GAS6: variants seen among roughly 807,000 people sequenced by gnomAD.
The protein encoded by GAS6 is growth arrest specific 6, also known as growth arrest-specific protein 6.
A neutral mutation model predicts 75.8 loss-of-function variants in GAS6; 41 were observed. The ratio of observed to expected loss-of-function variants is 0.54; its 90% CI spans 0.42 to 0.70. The LOEUF (loss-of-function observed/expected upper bound fraction) is 0.70. Among genes scored for constraint, GAS6 ranks in the 30% least tolerant of loss-of-function variants. The pLI is 0.00. For missense variants in GAS6, 854 were observed against 940.2 expected, an observed-to-expected ratio of 0.91 and a Z score of 1.20; for synonymous variants, 432 against 412.6, an observed-to-expected ratio of 1.05 and a Z score of -0.57.
At chr13:113,847,802 C>G (rs964405953) in intron 3 of GAS6, 2 of 580,540 alleles carry the variant, frequency 3.4e-6, no homozygotes, top group Admixed American at 3.2e-5. Context: ...TTGCAGATAA[C>G]AGCATTCACC....
rs745689860 is a variant in GAS6 at position 113,839,742 on chromosome 13, C to T, written c.452G>A (p.Arg151Gln). 13 of 1,613,758 alleles carry T rather than the reference C, an allele frequency of 8.1e-6. No individual in the cohort carries two copies. The highest frequency in any genetic ancestry group is 2.7e-5 in the African/African-American group (2 of 74,928). Residue 151 changes from arginine to glutamine, a missense_variant, in exon 5 of 15, where the codon CGG becomes CAG. By Grantham distance (43) the Arg-to-Gln change is conservative. Coordinates refer to ENST00000327773, the MANE Select transcript of GAS6 (RefSeq NM_000820.4). ...GCCTCACGTACCTTTGTCGCAGAGC[C>T]GGCCCCCCCAGCCAGCTTTACACAG... Reference protein sequence around the residue: ...FCLCKAGWGGRLCDKDVNECS... With the variant: ...FCLCKAGWGGQLCDKDVNECS...
At chr13:113,833,106 C>T in intron 8 of GAS6, 3 of 1,179,304 alleles carry the variant, frequency 2.5e-6, no homozygotes, top group Non-Finnish European at 3.2e-6. Context: ...ATATGGATGC[C>T]TTGAAGATGG....
chr13:113,859,612 CTG>C (rs1237242148), intron 2 of GAS6, among the ~76,000 whole-genome samples: 5 of 122,300 alleles, frequency 4.1e-5, no homozygotes, highest in South Asian at 4.9e-4. Flanking sequence ...ATGTGTGTGC[CTG>C]TGTGTGTGCA....
intron 3 of GAS6, chr13:113,846,988 GA>G: frequency 2.0e-6 from 1 of 503,866 alleles, no homozygotes; most frequent in Admixed American, 2.1e-5. Flanking sequence ...CTGCTTTGGA[GA>G]AAGCCCCTCC....
intron 6 of GAS6, among the ~76,000 whole-genome samples, chr13:113,836,960 C>G (rs965807997): frequency 6.7e-6 from 1 of 148,232 alleles, no homozygotes; most frequent in South Asian, 2.2e-4. Flanking sequence ...GACGGGAATG[C>G]CTCTGTCACT....
At chr13:113,832,983 G>C in intron 8 of GAS6, 1 of 1,427,988 alleles carries the variant, frequency 7.0e-7, no homozygotes, top group Non-Finnish European at 9.2e-7. Flanking sequence ...GGGGGTCCCC[G>C]TCATCTCCTT....
At chr13:113,835,233 G>A (rs565475073) in intron 7 of GAS6, among the ~76,000 whole-genome samples, 481 of 152,356 alleles carry the variant, frequency 3.2e-3, no homozygotes, top group Non-Finnish European at 5.5e-3. Context: ...GAGAGGCCCC[G>A]TCTATGCAGG....
Position 113,848,065 on chromosome 13 carries a change from A to G in GAS6, c.256-15T>C, listed in dbSNP as rs762098183. ...TAAAAATAATCCTGTGGAAAAAGAAAAAGAAAAGGCAAGCATTGACCGGCA... is the reference window on the plus strand; with the variant it reads ...TAAAAATAATCCTGTGGAAAAAGAAGAAGAAAAGGCAAGCATTGACCGGCA... On this transcript the variant is annotated splice_polypyrimidine_tract_variant and intron_variant, in intron 2 of 14. Transcript: ENST00000327773. This position sits in a 1 kb window ranked among gnomAD's most constrained non-coding sequence, Gnocchi z 4.8. The G allele has an allele frequency of 6.2e-7, 1 of 1,612,876 alleles. No individual in the cohort carries two copies. The highest frequency in any genetic ancestry group is 2.2e-5 in the East Asian group (1 of 44,858).
At chr13:113,841,461 C>CATAT (rs2051775006) in intron 4 of GAS6, 1 of 149,602 alleles carries the variant, frequency 6.7e-6, no homozygotes, top group Non-Finnish European at 1.5e-5. Flanking sequence ...GCGTTTCCTC[C>CATAT]GTATGCCCCA....
At chr13:113,834,721 T>C in intron 7 of GAS6, 49 bp from the exon 8 acceptor site, 1 of 1,402,192 alleles carries the variant, frequency 7.1e-7, no homozygotes, top group Non-Finnish European at 9.3e-7. Context: ...CTCTACGCTG[T>C]CCCGCCGTGG....
chr13:113,826,449 A>G (rs12858258), intron 12 of GAS6, among the ~76,000 whole-genome samples: 21,974 of 60,452 alleles, frequency 0.36, 2,074 homozygotes, highest in South Asian at 0.47. Context: ...TTCTCTCCCC[A>G]GCCTCCCGGC....
chr13:113,852,724 G>A (rs897383037), intron 2 of GAS6, among the ~76,000 whole-genome samples: 1 of 152,176 alleles, frequency 6.6e-6, no homozygotes, highest in African/African-American at 2.4e-5. Flanking sequence ...CCACCCACAG[G>A]GCAAAGGTCA....
At chr13:113,858,775 A>ATG (rs552326965) in intron 2 of GAS6, among the ~76,000 whole-genome samples, 3 of 145,712 alleles carry the variant, frequency 2.1e-5, no homozygotes, top group South Asian at 4.4e-4. Flanking sequence ...GTCATTATGC[A>ATG]TGTGTGTACA....
In GAS6 at chr13:113,827,154, C is replaced by T. The variant is rs752390240; in HGVS notation, c.1319G>A (p.Arg440His). Reference sequence around the variant, plus strand: ...CCAGCTCCTCATGCAGCCATCCAGACGAGGGTTTATCTGGAAAGGCAGAGA... The same window carrying T: ...CCAGCTCCTCATGCAGCCATCCAGATGAGGGTTTATCTGGAAAGGCAGAGA... ...EKDLVQPINP[R>H]LDGCMRSWNW... Residue 440 changes from arginine (R) to histidine (H), a missense_variant, in exon 12 of 15, where the codon CGT (arginine) becomes CAT (histidine). By Grantham distance (29) the Arg-to-His change is conservative. Coordinates refer to ENST00000327773, the MANE Select transcript of GAS6 (RefSeq NM_000820.4). 7.4e-6 allele frequency: 12 copies of T among 1,612,214 alleles called. No individual in the cohort carries two copies. The highest frequency in any genetic ancestry group is 6.7e-5 in the African/African-American group (5 of 74,772).
intron 14 of GAS6, chr13:113,821,685 G>A (rs981284228): frequency 1.9e-5 from 9 of 473,838 alleles, no homozygotes; most frequent in East Asian, 6.7e-5. Flanking sequence ...GGGTGTGGAC[G>A]AATGCTCCCT....
Position 113,848,199 on chromosome 13 carries a change from G to C in GAS6, c.256-149C>G. On this transcript the variant is annotated intron_variant, in intron 2 of 14. Transcript: ENST00000327773. The surrounding 1 kb of genome is among the most constrained non-coding windows in gnomAD (Gnocchi z 4.8). ...GGGGAACTGAGGGGAAGTGACCGGG[G>C]CACGACTGCTGTGAGACCAACAAGC... 1.3e-6 allele frequency: 1 copy of C among 765,786 alleles called. No homozygotes were observed. The highest frequency in any genetic ancestry group is 2.6e-5 in the Admixed American group (1 of 39,100). 47.4% of individuals were successfully genotyped at this position (765,786 alleles called of 1,614,324 possible).
intron 2 of GAS6, among the ~76,000 whole-genome samples, chr13:113,860,287 C>A (rs930242333): frequency 6.6e-6 from 1 of 152,148 alleles, no homozygotes; most frequent in Admixed American, 6.5e-5. Context: ...CACCAGCCCT[C>A]GGTGAATATT....
chr13:113,826,661 C>T (rs1289778314), intron 12 of GAS6, among the ~76,000 whole-genome samples: 9 of 103,910 alleles, frequency 8.7e-5, no homozygotes, highest in Admixed American at 1.9e-4. Context: ...TGGCGCCGGC[C>T]TCGCAGGCAC....
rs1425695272 is a variant in GAS6, at chr13:113,831,357, C to T, written c.1143+942G>A. Among the ~76,000 whole-genome samples, 6 of 151,996 alleles carry T rather than the reference C, an allele frequency of 3.9e-5. No homozygotes were observed. The South Asian group carries it at 1.0e-3, about 26-fold the overall frequency. On this transcript the variant is annotated intron_variant, in intron 10 of 14. Transcript: ENST00000327773. ...CAGGGCTCAGGGACCGCAGCGTCCACGCCGTCCTACAGGGAAGGGTGGGCG... is the reference window on the plus strand; with the variant it reads ...CAGGGCTCAGGGACCGCAGCGTCCATGCCGTCCTACAGGGAAGGGTGGGCG...
Sources: gnomAD v4.1 joint callset for allele counts (sites outside exome capture counted in the v4.1 genomes callset) on GRCh38, gnomAD v4.1.1 for gene constraint, Gnocchi (gnomAD v3.1) non-coding constraint, MANE v1.5 for transcripts, NCBI Gene and HGNC (gene_info 2026-07-23, HGNC 2026-07-21) for gene names.